The following ABCA8 variants were observed in gnomAD, a reference collection of about 807,000 sequenced individuals.
ABCA8 encodes ABC-type organic anion transporter ABCA8.
ABCA8 carries 177 observed loss-of-function variants against 192.3 expected under a neutral mutation model. That is an observed-to-expected ratio of 0.92 (90% CI 0.81 to 1.04). The LOEUF is 1.04. Ranked by LOEUF, ABCA8 falls within the 50% of genes least tolerant of loss-of-function variation. The pLI is 0.00. For synonymous variants in ABCA8, 642 were observed against 690.2 expected (o/e 0.93, Z 1.09); for missense variants, 1,915 against 1,904.8 (o/e 1.01, Z -0.10).
At chr17:68,953,286 T>C in intron 1 of ABCA8, among the ~76,000 whole-genome samples, 1 of 152,182 alleles carries the variant, frequency 6.6e-6, no homozygotes, top group Non-Finnish European at 1.5e-5. Flanking sequence ...GGCTCATAAG[T>C]CCTGACTTCT....
chr17:68,952,693 G>C (rs183955151), intron 1 of ABCA8, among the ~76,000 whole-genome samples: 106 of 152,212 alleles, frequency 7.0e-4, no homozygotes, highest in Admixed American at 2.5e-3. Flanking sequence ...CCTCTCTGTA[G>C]GCTAGCTCAC....
chr17:68,929,368 C>T lies in ABCA8; in HGVS notation c.940-134G>A, dbSNP rs549088089. 5.2e-5 allele frequency: 54 copies of T among 1,040,720 alleles called. No homozygotes were observed. In the African/African-American group the frequency reaches 6.3e-4, roughly 12 times the overall value. 64.5% of individuals were successfully genotyped at this position (1,040,720 alleles called of 1,614,324 possible). Reference sequence around the variant, plus strand: ...TTATAGTTATTTTGTATATAACATACAAAACTATGCTCTGCAAATTGCACT... The same window carrying T: ...TTATAGTTATTTTGTATATAACATATAAAACTATGCTCTGCAAATTGCACT... On this transcript the variant is annotated intron_variant, in intron 8 of 39. Transcript: ENST00000586539.
chr17:68,884,003 T>G, intron 28 of ABCA8, 121 bp from the exon 29 acceptor site: 1 of 685,560 alleles, frequency 1.5e-6, no homozygotes, highest in South Asian at 2.0e-5. Flanking sequence ...TACAAACTCC[T>G]AATAACCTAT....
chr17:68,938,977 A>G (rs1436839912), intron 4 of ABCA8, among the ~76,000 whole-genome samples: 1 of 152,178 alleles, frequency 6.6e-6, no homozygotes, highest in Non-Finnish European at 1.5e-5. Context: ...TAACAACTAA[A>G]TATTTATACA....
chr17:68,940,918 A>C lies in ABCA8; in HGVS notation c.141T>G (p.Tyr47Ter), dbSNP rs777715196. 4 of 1,612,150 alleles carry C rather than the reference A, an allele frequency of 2.5e-6. No individual in the cohort carries two copies. The African/African-American group carries it at 5.3e-5, about 22-fold the overall frequency. The change falls in exon 4 of 40, where the codon TAT (tyrosine) becomes TAG (stop). Residue 47 changes from tyrosine (Y) to a stop codon, truncating the protein, a stop_gained. Coordinates refer to ENST00000586539, the MANE Select transcript of ABCA8 (RefSeq NM_001288985.2). LOFTEE classifies it high-confidence loss of function. ...AATCATTTACTTGATGACTATGAGG[A>C]TATATATACAAACAAAGTAGTAGGA... ...SLLLLLCLYI[Y>*]PHSHQVNDFS...
intron 18 of ABCA8, 42 bp from the exon 19 acceptor site, chr17:68,906,205 C>T: frequency 7.1e-7 from 1 of 1,412,052 alleles, no homozygotes. Context: ...ACAAGAATCA[C>T]AAGTGAACTG....
intron 1 of ABCA8, among the ~76,000 whole-genome samples, chr17:68,952,918 G>A (rs563683987): frequency 6.6e-6 from 1 of 152,280 alleles, no homozygotes; most frequent in East Asian, 1.9e-4. Flanking sequence ...TATATGGGGG[G>A]TGATTTTGTA....
chr17:68,912,861 C>A (rs1036057050), intron 17 of ABCA8, among the ~76,000 whole-genome samples: 28 of 152,014 alleles, frequency 1.8e-4, no homozygotes, highest in African/African-American at 6.3e-4. Context: ...GACAGAAAAT[C>A]AAAAACATTG....
intron 10 of ABCA8, 106 bp from the exon 11 acceptor site, chr17:68,924,975 C>T (rs751607591): frequency 1.8e-4 from 217 of 1,201,016 alleles, no homozygotes; most frequent in Non-Finnish European, 2.3e-4. Context: ...TAAACCTGAA[C>T]ATGTGGTCAA....
At position 68,937,105 on chromosome 17, in the gene ABCA8, G is replaced by C. The variant is rs1278163729; in HGVS notation, c.312C>G (p.Val104=). The C allele has an allele frequency of 1.8e-5, 29 of 1,599,066 alleles. No homozygotes were observed. The highest frequency in any genetic ancestry group is 2.5e-5 in the Non-Finnish European group (29 of 1,174,876). Residue 104 remains valine (V), a synonymous_variant, in exon 5 of 40, where the codon GTC becomes GTG. Transcript: ENST00000586539. ...ASTPFLAGKE[V]LGLPDEESIK... ...TACTTTCCTCATCTGGCAGTCCCAA[G>C]ACCTCTTTACCTTTTGTTACAAGAA...
At chr17:68,931,425 AT>A (rs568729320) in intron 7 of ABCA8, among the ~76,000 whole-genome samples, 39 of 152,156 alleles carry the variant, frequency 2.6e-4, no homozygotes, top group Non-Finnish European at 5.3e-4. Flanking sequence ...TTAAATGGAC[AT>A]TGATGTGTGA....
chr17:68,905,975 C>T, intron 19 of ABCA8, 69 bp downstream of exon 19: 1 of 1,382,802 alleles, frequency 7.2e-7, no homozygotes. Flanking sequence ...ATTTTGTAAT[C>T]ACATCTTTGG....
chr17:68,916,707 GC>G (rs1236671416), intron 17 of ABCA8, among the ~76,000 whole-genome samples: 1 of 152,152 alleles, frequency 6.6e-6, no homozygotes, highest in African/African-American at 2.4e-5. Flanking sequence ...GAAGCAAGTA[GC>G]CGACTTAAGA....
At chr17:68,919,159 G>T in intron 14 of ABCA8, 142 bp downstream of exon 14, 1 of 722,334 alleles carries the variant, frequency 1.4e-6, no homozygotes, top group East Asian at 2.7e-5. Context: ...TATATGCAAT[G>T]TTAGCTATTG....
intron 22 of ABCA8, 42 bp downstream of exon 22, chr17:68,894,838 G>A (rs1416389480): frequency 1.3e-6 from 2 of 1,575,658 alleles, no homozygotes; most frequent in Middle Eastern, 3.4e-4. Context: ...TATTATGTTA[G>A]CTTTTCACAT....
At chr17:68,896,760 A>G (rs565207065) in intron 21 of ABCA8, among the ~76,000 whole-genome samples, 5 of 152,340 alleles carry the variant, frequency 3.3e-5, no homozygotes, top group African/African-American at 1.2e-4. Context: ...GCTTCCTTTA[A>G]GTGGAAAGGT....
Position 68,885,261 on chromosome 17 carries a change from G to C in ABCA8, c.3484C>G (p.Pro1162Ala). 1.2e-6 allele frequency: 2 copies of C among 1,613,024 alleles called. No homozygotes were observed. The highest frequency in any genetic ancestry group is 1.7e-6 in the Non-Finnish European group (2 of 1,179,414). The change falls in exon 27 of 40, where the codon CCA becomes GCA. Residue 1162 changes from proline (P) to alanine (A), a missense_variant. Coordinates refer to ENST00000586539, the MANE Select transcript of ABCA8 (RefSeq NM_001288985.2). ...GGTATTAAAAAAGTGAAGATAAATG[G>C]AATATCACTTTCGAAGATACTGAAC... is the stretch of plus-strand genomic sequence containing the variant. The part of the protein sequence containing the change: ...FAFSIFESDI[P>A]FIFTFLIPPA...
At chr17:68,877,846 A>T (rs1485256257) in intron 32 of ABCA8, 167 bp from the exon 33 acceptor site, 2 of 615,692 alleles carry the variant, frequency 3.2e-6, no homozygotes, top group Non-Finnish European at 5.1e-6. Flanking sequence ...TCAGAGAGCA[A>T]ATACAGGAAA....
intron 13 of ABCA8, among the ~76,000 whole-genome samples, chr17:68,920,410 TAAAAAATA>T (rs2067501664): frequency 1.5e-5 from 2 of 129,714 alleles, no homozygotes; most frequent in Admixed American, 1.5e-4. Flanking sequence ...ATAAAAATTT[TAAAAAATA>T]AAAAAATAAA....
Sources: allele counts gnomAD v4.1 joint callset (sites outside exome capture counted in the v4.1 genomes callset), GRCh38; gene constraint gnomAD v4.1.1; transcripts MANE v1.5; gene names NCBI Gene and HGNC (gene_info 2026-07-23, HGNC 2026-07-21).